KANSL3: variants seen among roughly 807,000 people sequenced by gnomAD.
The protein encoded by KANSL3 is KAT8 regulatory NSL complex subunit 3, also known as NSL complex protein NSL3.
In KANSL3, 16 loss-of-function variants were observed where a neutral mutation model predicts 89.2. That is an observed-to-expected ratio of 0.18 (90% CI 0.12 to 0.27). The LOEUF is 0.27. KANSL3 is among the 10% of genes least tolerant of loss of function. The pLI is 1.00. For synonymous variants in KANSL3, 385 were observed against 419.7 expected (o/e 0.92, Z 1.01); for missense variants, 879 against 1,110.6 (o/e 0.79, Z 2.96).
the KANSL3 span, among the ~76,000 whole-genome samples, chr2:96,587,937 G>A: frequency 6.6e-6 from 1 of 152,114 alleles, no homozygotes; most frequent in South Asian, 2.1e-4. Flanking sequence ...TGAACTTGAA[G>A]ACAGAACAAC....
chr2:96,589,525 A>G (rs908050769), downstream of KANSL3, among the ~76,000 whole-genome samples: 1 of 152,252 alleles, frequency 6.6e-6, no homozygotes, highest in African/African-American at 2.4e-5. Flanking sequence ...GTATGTACCA[A>G]ATAACAGAAC....
downstream of KANSL3, among the ~76,000 whole-genome samples, chr2:96,592,287 AGAAG>A (rs2066290178): frequency 6.6e-6 from 1 of 152,188 alleles, no homozygotes; most frequent in African/African-American, 2.4e-5. Context: ...TTTAGGGGTT[AGAAG>A]GAAGGTCCTC....
chr2:96,613,508 C>T lies in KANSL3; in HGVS notation c.775G>A (p.Val259Met), dbSNP rs1203754238. 3 of 1,613,402 alleles carry T rather than the reference C, an allele frequency of 1.9e-6. No individual in the cohort carries two copies. The highest frequency in any genetic ancestry group is 2.5e-6 in the Non-Finnish European group (3 of 1,179,678). Residue 259 changes from valine (V) to methionine (M), a missense_variant, in exon 6 of 21, where the codon GTG becomes ATG. Physicochemically the swap from Val to Met is conservative, Grantham distance 21. This residue lies in a region of KANSL3 where 198 missense variants were observed against 260.3 expected (regional missense o/e 0.76). Transcript: ENST00000431828. ...CTTACTGGTTTGTTATGAGAAAGCA[C>T]ACCCACAGCAGGGTCCCAGGGCCTC... is the stretch of plus-strand genomic sequence containing the variant. ...LKRPWDPAVG[V>M]LSHNKPSKLP...
chr2:96,588,417 C>G (rs924232760), downstream of KANSL3, among the ~76,000 whole-genome samples: 1 of 152,128 alleles, frequency 6.6e-6, no homozygotes, highest in African/African-American at 2.4e-5. Context: ...AAAATTCAGA[C>G]ATTCTCAGAC....
chr2:96,592,871 C>T (rs74742991), downstream of KANSL3, among the ~76,000 whole-genome samples: 4 of 152,152 alleles, frequency 2.6e-5, no homozygotes, highest in South Asian at 4.2e-4. Flanking sequence ...GGCGTGGTGT[C>T]GGGCGCCTGT....
At chr2:96,619,945 CCAAAT>C (rs1417529050) in intron 3 of KANSL3, among the ~76,000 whole-genome samples, 183 bp from the exon 4 acceptor site, 6 of 152,300 alleles carry the variant, frequency 3.9e-5, no homozygotes, top group Middle Eastern at 3.4e-3. Flanking sequence ...CTCAATCCTA[CCAAAT>C]CAAATCGTCA....
At chr2:96,622,054 C>T (rs1019136394) in intron 3 of KANSL3, among the ~76,000 whole-genome samples, 2 of 150,654 alleles carry the variant, frequency 1.3e-5, no homozygotes, top group Non-Finnish European at 2.9e-5. Context: ...GCGGAGGTTG[C>T]AGTGAGCTGA....
Position 96,619,461 on chromosome 2 carries a change from C to A in KANSL3, c.561G>T (p.Trp187Cys). 6.2e-7 allele frequency: 1 copy of A among 1,614,018 alleles called. No individual in the cohort carries two copies. Among genetic ancestry groups the A allele is most frequent in the Non-Finnish European group, 8.5e-7 (1 of 1,179,896 alleles). Residue 187 changes from tryptophan to cysteine, a missense_variant, in exon 5 of 21, where the codon TGG (tryptophan) becomes TGT (cysteine). Trp to Cys is a radical substitution (Grantham distance 215). Transcript: ENST00000431828. Reference protein sequence around the residue: ...RVRQALASVSWDTKLIQWLHT... With the variant: ...RVRQALASVSCDTKLIQWLHT... ...GCAGCCACTGGATCAGCTTGGTATC[C>A]CAGCTCACACTTGCCAGAGCCTGCC...
At chr2:96,612,249 G>A (rs760470131) in intron 9 of KANSL3, 33 bp downstream of exon 9, 2 of 1,512,036 alleles carry the variant, frequency 1.3e-6, no homozygotes, top group Non-Finnish European at 1.8e-6. Flanking sequence ...TTCCATCCCA[G>A]GACAACCTCC....
chr2:96,634,801 G>A (rs941946062), intron 2 of KANSL3, among the ~76,000 whole-genome samples: 2 of 152,212 alleles, frequency 1.3e-5, no homozygotes, highest in South Asian at 4.1e-4. Flanking sequence ...CATTGAGCTA[G>A]TACTTGGATA....
At chr2:96,588,747 C>A (rs375174102), downstream of KANSL3, among the ~76,000 whole-genome samples, 1 of 152,078 alleles carries the variant, frequency 6.6e-6, no homozygotes, top group African/African-American at 2.4e-5. Flanking sequence ...CCCACCACCA[C>A]ACCCAGCTAA....
At chr2:96,604,951 A>G in intron 15 of KANSL3, 88 bp from the exon 16 acceptor site, 1 of 1,059,802 alleles carries the variant, frequency 9.4e-7, no homozygotes, top group South Asian at 1.5e-5. Flanking sequence ...AATGCAAGAT[A>G]TTACGGACGA....
In KANSL3 at chr2:96,627,841, G is replaced by T. The variant is rs771260938; in HGVS notation, c.386+3471C>A. The T allele has an allele frequency of 3.3e-4, 371 of 1,119,028 alleles. 2 individuals carry two copies. The highest frequency in any genetic ancestry group is 9.3e-5 in the Admixed American group (4 of 43,196). 69.3% of individuals were successfully genotyped at this position (1,119,028 alleles called of 1,614,324 possible). On this transcript the variant is annotated intron_variant, in intron 3 of 20. Transcript: ENST00000431828. ...AACAGGCTACAGATTCAGGGACAGG[G>T]TCATAAAATGGTGGTATCTGAAACT...
At position 96,608,656 on chromosome 2, in the gene KANSL3, G is replaced by A; in HGVS notation, c.1593C>T (p.Ser531=). 1.2e-6 allele frequency: 2 copies of A among 1,614,028 alleles called. No homozygotes were observed. Among genetic ancestry groups the A allele is most frequent in the Non-Finnish European group, 1.7e-6 (2 of 1,179,892 alleles). ...PASPSGSEDL[S]SVSSSPTSSP... is the part of the protein sequence containing the mutation. ...TGGAGGTGGGGCTGCTGGACACACT[G>A]GAGAGATCCTGAGTAAGGTGAGAAG... The change falls in exon 14 of 21, where the codon TCC becomes TCT. Residue 531 remains serine (S), a synonymous_variant. Coordinates refer to ENST00000431828, the MANE Select transcript of KANSL3 (RefSeq NM_001115016.3).
chr2:96,602,916 G>C, intron 17 of KANSL3, 54 bp from the exon 18 acceptor site: 8 of 1,530,268 alleles, frequency 5.2e-6, no homozygotes, highest in Non-Finnish European at 7.2e-6. Flanking sequence ...GCACTATCCC[G>C]AGAGCAGCCA....
chr2:96,609,722 G>A (rs1403262298), intron 11 of KANSL3, among the ~76,000 whole-genome samples, 160 bp from the exon 12 acceptor site: 1 of 152,000 alleles, frequency 6.6e-6, no homozygotes. Context: ...ACCTGTTTCC[G>A]TGTCTGCAAA....
intron 5 of KANSL3, among the ~76,000 whole-genome samples, chr2:96,616,587 A>G (rs1326630720): frequency 1.3e-5 from 2 of 152,220 alleles, no homozygotes; most frequent in Admixed American, 6.5e-5. Flanking sequence ...ACAATCCTAT[A>G]ATCATTTATA....
At chr2:96,627,675 C>T (rs892621381) in intron 3 of KANSL3, among the ~76,000 whole-genome samples, 2 of 152,274 alleles carry the variant, frequency 1.3e-5, no homozygotes, top group South Asian at 2.1e-4. Flanking sequence ...CGACCTACAC[C>T]GTTCATGGAG....
At chr2:96,621,168 C>T (rs2071193807) in intron 3 of KANSL3, among the ~76,000 whole-genome samples, 1 of 152,112 alleles carries the variant, frequency 6.6e-6, no homozygotes, top group African/African-American at 2.4e-5. Flanking sequence ...TATCATTCTA[C>T]ATCAAATTTC....
Sources: gnomAD v4.1 joint callset for allele counts (sites outside exome capture counted in the v4.1 genomes callset) on GRCh38, gnomAD v4.1.1 for gene constraint, gnomAD v4.1.1 regional missense constraint, MANE v1.5 for transcripts, NCBI Gene and HGNC (gene_info 2026-07-23, HGNC 2026-07-21) for gene names.